The following HECW1 variants were observed in gnomAD, a reference collection of about 807,000 sequenced individuals.
HECW1 encodes HECT, C2 and WW domain containing E3 ubiquitin protein ligase 1.
HECW1 carries 61 observed loss-of-function variants against 182.3 expected under a neutral mutation model. That is an observed-to-expected ratio of 0.33 (90% CI 0.27 to 0.41). The LOEUF is 0.41. Ranked by LOEUF, HECW1 falls within the 10% of genes least tolerant of loss-of-function variation. HECW1 has a pLI of 1.00. For missense variants in HECW1, 1,739 were observed against 2,108.9 expected (o/e 0.82, Z 3.44); for synonymous variants, 859 against 832.6 (o/e 1.03, Z -0.55).
chr7:43,185,179 T>C (rs1039741122), intron 2 of HECW1, among the ~76,000 whole-genome samples: 8 of 152,064 alleles, frequency 5.3e-5, no homozygotes, highest in South Asian at 4.2e-4. Flanking sequence ...GGCTTCCTGA[T>C]GGCTGAACAC....
intron 8 of HECW1, among the ~76,000 whole-genome samples, chr7:43,428,160 A>T (rs549582360): frequency 1.3e-5 from 2 of 152,308 alleles, no homozygotes; most frequent in South Asian, 4.1e-4. Context: ...CCAGATGAAA[A>T]GTTTCACTTT....
At chr7:43,370,086 A>C (rs12532706) in intron 6 of HECW1, among the ~76,000 whole-genome samples, 5,528 of 152,326 alleles carry the variant, frequency 0.036, 113 homozygotes, top group Middle Eastern at 0.044. Flanking sequence ...GACTGGAAGA[A>C]TATATCTGCA....
intron 2 of HECW1, among the ~76,000 whole-genome samples, chr7:43,136,627 A>G (rs1787569055): frequency 6.6e-6 from 1 of 152,248 alleles, no homozygotes; most frequent in Non-Finnish European, 1.5e-5. Context: ...CATATCTGAA[A>G]TAGGGTGGTA....
intron 2 of HECW1, among the ~76,000 whole-genome samples, chr7:43,152,701 T>TC (rs1789465845): frequency 6.6e-6 from 1 of 152,224 alleles, no homozygotes; most frequent in Non-Finnish European, 1.5e-5. Context: ...TATCTGGTGG[T>TC]CCTTGGCTCT....
At chr7:43,537,057 G>T (rs935742698) in intron 24 of HECW1, among the ~76,000 whole-genome samples, 2 of 152,212 alleles carry the variant, frequency 1.3e-5, no homozygotes, top group African/African-American at 4.8e-5. Context: ...GAATGTCAGC[G>T]CAGAAAAAGA....
At chr7:43,249,521 A>G (rs1799809798) in intron 3 of HECW1, 1 of 152,034 alleles carries the variant, frequency 6.6e-6, no homozygotes, top group Non-Finnish European at 1.5e-5. Context: ...TTTTAAACAT[A>G]TTTTTTTCTC....
intron 2 of HECW1, among the ~76,000 whole-genome samples, chr7:43,120,457 C>T (rs895768645): frequency 1.2e-4 from 19 of 152,112 alleles, no homozygotes; most frequent in Non-Finnish European, 1.6e-4. Flanking sequence ...AACTTGTAAT[C>T]TCCATTAGAG....
chr7:43,306,143 C>T (rs1250418402), intron 3 of HECW1, among the ~76,000 whole-genome samples: 1 of 151,890 alleles, frequency 6.6e-6, no homozygotes, highest in Non-Finnish European at 1.5e-5. Context: ...GTAATCCACC[C>T]ACCTCAGCCT....
chr7:43,422,202 A>T (rs2152857850), intron 8 of HECW1, among the ~76,000 whole-genome samples: 1 of 152,274 alleles, frequency 6.6e-6, no homozygotes, highest in South Asian at 2.1e-4. Context: ...CCTAACCAAA[A>T]CATTACCAAA....
intron 3 of HECW1, among the ~76,000 whole-genome samples, chr7:43,261,377 T>C (rs1365503346): frequency 6.6e-6 from 1 of 152,246 alleles, no homozygotes; most frequent in Non-Finnish European, 1.5e-5. Context: ...ACCTTTTTCC[T>C]GAGGAGTATG....
At chr7:43,408,613 C>T (rs1244153260) in intron 8 of HECW1, among the ~76,000 whole-genome samples, 2 of 151,880 alleles carry the variant, frequency 1.3e-5, no homozygotes, top group Non-Finnish European at 2.9e-5. Flanking sequence ...TTGAGCCTGA[C>T]AGGCAGAGGT....
At chr7:43,403,378 A>G (rs2075492596) in intron 7 of HECW1, among the ~76,000 whole-genome samples, 2 of 152,172 alleles carry the variant, frequency 1.3e-5, no homozygotes, top group African/African-American at 4.8e-5. Context: ...AGGCTATGGT[A>G]TGGTAGATAG....
chr7:43,344,944 G>A (rs1015409238), intron 5 of HECW1, among the ~76,000 whole-genome samples: 1 of 152,106 alleles, frequency 6.6e-6, no homozygotes, highest in Non-Finnish European at 1.5e-5. Flanking sequence ...TTAAGTATAT[G>A]TTCAGTGACA....
intron 3 of HECW1, among the ~76,000 whole-genome samples, chr7:43,248,386 A>C (rs1048184909): frequency 1.3e-5 from 2 of 152,158 alleles, no homozygotes; most frequent in Non-Finnish European, 2.9e-5. Flanking sequence ...GAGGTTCCCT[A>C]CACCATACCC....
At chr7:43,375,622 T>C (rs1158970911) in intron 6 of HECW1, among the ~76,000 whole-genome samples, 1 of 151,972 alleles carries the variant, frequency 6.6e-6, no homozygotes, top group Non-Finnish European at 1.5e-5. Flanking sequence ...AGGCCAGGCA[T>C]GGTGGCTCAC....
At chr7:43,221,563 T>G (rs902775794) in intron 2 of HECW1, among the ~76,000 whole-genome samples, 76 of 108,322 alleles carry the variant, frequency 7.0e-4, no homozygotes, top group Middle Eastern at 4.3e-3. Context: ...TTTTTTTTTT[T>G]TTTTTTTTTT....
At chr7:43,209,014 C>T (rs541534033) in intron 2 of HECW1, among the ~76,000 whole-genome samples, 1 of 152,300 alleles carries the variant, frequency 6.6e-6, no homozygotes, top group East Asian at 1.9e-4. Context: ...TTGAACTTGG[C>T]TATATGCACA....
chr7:43,281,571 C>G (rs1803906801), intron 3 of HECW1, among the ~76,000 whole-genome samples: 1 of 152,174 alleles, frequency 6.6e-6, no homozygotes, highest in African/African-American at 2.4e-5. Context: ...AGCCTCCTCT[C>G]CAGCCTCAGC....
At chr7:43,211,967 A>G (rs543083443) in intron 2 of HECW1, among the ~76,000 whole-genome samples, 1 of 152,344 alleles carries the variant, frequency 6.6e-6, no homozygotes, top group East Asian at 1.9e-4. Flanking sequence ...CCTGTCTACT[A>G]TGCAAGGAGT....
Sources: gnomAD v4.1 joint callset for allele counts (sites outside exome capture counted in the v4.1 genomes callset) on GRCh38, gnomAD v4.1.1 for gene constraint, MANE v1.5 for transcripts, NCBI Gene and HGNC (gene_info 2026-07-23, HGNC 2026-07-21) for gene names.